The following GLI2 variants were observed in gnomAD, a reference collection of about 807,000 sequenced individuals.
The protein encoded by GLI2 is transcription activator GLI2.
GLI2 carries 22 observed loss-of-function variants against 78.9 expected under a neutral mutation model. That is an observed-to-expected ratio of 0.28 (90% CI 0.20 to 0.40). The LOEUF is 0.40. GLI2 is among the 10% of genes least tolerant of loss of function. GLI2 has a pLI of 1.00. For synonymous variants in GLI2, 974 were observed against 963.7 expected (o/e 1.01, Z -0.20); for missense variants, 2,097 against 2,213.2 (o/e 0.95, Z 1.05).
chr2:120,854,901 G>A (rs546640317), intron 2 of GLI2, among the ~76,000 whole-genome samples: 1 of 152,328 alleles, frequency 6.6e-6, no homozygotes, highest in South Asian at 2.1e-4. Flanking sequence ...GAACACACTT[G>A]GAAAGCCTCT....
rs140196208 is a variant in GLI2, at chr2:120,829,831, G to A, written c.148+32363G>A. ...GCACCTTCCCCAGTTCTCAGGGCTG[G>A]GGGCACTCAGAGGGAAGTGCAGGGC... On this transcript the variant is annotated intron_variant, in intron 2 of 13. Coordinates refer to ENST00000361492, the MANE Select transcript of GLI2 (RefSeq NM_001374353.1). 1.2e-4 allele frequency among the ~76,000 whole-genome samples: 18 copies of A among 152,306 alleles called. No homozygotes were observed. The East Asian group carries it at 3.5e-3, about 29-fold the overall frequency.
chr2:120,746,389 C>G (rs1044335315), intron 1 of GLI2, among the ~76,000 whole-genome samples: 1 of 152,160 alleles, frequency 6.6e-6, no homozygotes, highest in African/African-American at 2.4e-5. Context: ...GCTGCACCCC[C>G]CCAGAAGCTG....
intron 2 of GLI2, among the ~76,000 whole-genome samples, chr2:120,890,634 A>T (rs933323061): frequency 1.3e-5 from 2 of 152,192 alleles, no homozygotes. Context: ...CATACACAGG[A>T]TGTCTTCCTG....
At chr2:120,776,013 G>A (rs552888879) in intron 1 of GLI2, among the ~76,000 whole-genome samples, 1 of 152,312 alleles carries the variant, frequency 6.6e-6, no homozygotes, top group African/African-American at 2.4e-5. Context: ...GCCTGCCCAG[G>A]GGCTGGGATG....
At chr2:120,905,967 G>C (rs755357540) in intron 2 of GLI2, among the ~76,000 whole-genome samples, 1 of 151,792 alleles carries the variant, frequency 6.6e-6, no homozygotes, top group African/African-American at 2.4e-5. Flanking sequence ...GGTTACCTGC[G>C]TAGGCCACCC....
intron 2 of GLI2, among the ~76,000 whole-genome samples, chr2:120,870,452 A>G (rs544142099): frequency 6.6e-6 from 1 of 152,256 alleles, no homozygotes; most frequent in South Asian, 2.1e-4. Context: ...CAACGCCCTC[A>G]TTTCACAGGG....
intron 2 of GLI2, among the ~76,000 whole-genome samples, chr2:120,838,972 C>T (rs1686741116): frequency 6.6e-6 from 1 of 152,180 alleles, no homozygotes; most frequent in African/African-American, 2.4e-5. Flanking sequence ...GTATTTCTCA[C>T]AGTTCTGGAG....
At chr2:120,885,605 G>A (rs776092550) in intron 2 of GLI2, among the ~76,000 whole-genome samples, 3 of 152,234 alleles carry the variant, frequency 2.0e-5, no homozygotes, top group Non-Finnish European at 4.4e-5. Context: ...AACAGGCAGC[G>A]TCCAGTGCCC....
rs1466047525 is a variant in GLI2 at position 120,992,073 on chromosome 2, T to A, written c.*1398T>A. 1 of 151,916 alleles carries A rather than the reference T, an allele frequency of 6.6e-6. No homozygotes were observed. Among genetic ancestry groups the A allele is most frequent in the Non-Finnish European group, 1.5e-5 (1 of 68,342 alleles). 9.4% of individuals were successfully genotyped at this position (151,916 alleles called of 1,614,324 possible). ...ACACCCCAAACCTTTTCATGGGGAA[T>A]GTGTGGCAACCTTGCCAAACAGCAC... On this transcript the variant is annotated 3_prime_UTR_variant, in exon 14 of 14. Coordinates refer to ENST00000361492, the MANE Select transcript of GLI2 (RefSeq NM_001374353.1).
intron 3 of GLI2, among the ~76,000 whole-genome samples, chr2:120,950,704 C>T (rs776035447): frequency 2.6e-5 from 4 of 152,228 alleles, no homozygotes; most frequent in African/African-American, 4.8e-5. Context: ...ACCCTGCGGC[C>T]GAGCTGGTCA....
In GLI2 at chr2:120,914,861, C is replaced by T. The variant is rs114808968; in HGVS notation, c.149-12500C>T. Among the ~76,000 whole-genome samples, 954 of 152,374 alleles carry T rather than the reference C, an allele frequency of 6.3e-3. 4 individuals are homozygous for T. The highest frequency in any genetic ancestry group is 0.021 in the African/African-American group (865 of 41,598). On this transcript the variant is annotated intron_variant, in intron 2 of 13. Coordinates refer to ENST00000361492, the MANE Select transcript of GLI2 (RefSeq NM_001374353.1). ...CAGGAAGGTTCGGTGAGTCAGCAAT[C>T]AAGCCAGACTTGGCTGTGGCACTGG...
intron 2 of GLI2, among the ~76,000 whole-genome samples, chr2:120,913,590 G>A (rs1018209503): frequency 2.6e-5 from 4 of 152,186 alleles, no homozygotes; most frequent in Non-Finnish European, 5.9e-5. Flanking sequence ...AGAGAGAATT[G>A]TAAAGGATCC....
chr2:120,817,272 C>A (rs775131995), intron 2 of GLI2, among the ~76,000 whole-genome samples: 1 of 152,322 alleles, frequency 6.6e-6, no homozygotes, highest in South Asian at 2.1e-4. Context: ...GAAGTGGCCT[C>A]GGTATGAAGC....
chr2:120,952,563 C>T (rs911360732), intron 4 of GLI2, among the ~76,000 whole-genome samples: 3 of 152,194 alleles, frequency 2.0e-5, no homozygotes, highest in Admixed American at 6.5e-5. Context: ...CTTCCTGGCA[C>T]GGAGGTTTGC....
intron 2 of GLI2, among the ~76,000 whole-genome samples, chr2:120,889,139 C>T (rs1677560632): frequency 6.6e-6 from 1 of 152,246 alleles, no homozygotes; most frequent in Admixed American, 6.5e-5. Context: ...CCATAGTCTC[C>T]TCTTTTAGCC....
chr2:120,790,869 C>G (rs1360355179), intron 1 of GLI2, among the ~76,000 whole-genome samples: 2 of 152,074 alleles, frequency 1.3e-5, no homozygotes, highest in Non-Finnish European at 2.9e-5. Flanking sequence ...CCCTGACTGT[C>G]CCCCCAGGGC....
At chr2:120,920,066 C>T (rs766400734) in intron 2 of GLI2, among the ~76,000 whole-genome samples, 4 of 152,236 alleles carry the variant, frequency 2.6e-5, no homozygotes, top group Non-Finnish European at 5.9e-5. Flanking sequence ...TGGTGCACAG[C>T]GACCACATGC....
intron 1 of GLI2, among the ~76,000 whole-genome samples, chr2:120,751,398 G>T (rs1028938854): frequency 2.0e-5 from 3 of 151,362 alleles, no homozygotes; most frequent in African/African-American, 7.3e-5. Context: ...TTTGCATCTC[G>T]TACTTTTTAC....
intron 10 of GLI2, among the ~76,000 whole-genome samples, chr2:120,978,832 G>A (rs894287500): frequency 1.3e-5 from 2 of 152,196 alleles, no homozygotes; most frequent in African/African-American, 2.4e-5. Context: ...TGGCAAAAAT[G>A]TGTGGGTGTG....
Sources: gnomAD v4.1 joint callset for allele counts (sites outside exome capture counted in the v4.1 genomes callset) on GRCh38, gnomAD v4.1.1 for gene constraint, MANE v1.5 for transcripts, NCBI Gene and HGNC (gene_info 2026-07-23, HGNC 2026-07-21) for gene names.